MED27: variants seen among roughly 807,000 people sequenced by gnomAD.
MED27 encodes the protein mediator complex subunit 27.
Under a neutral mutation model 38.2 loss-of-function variants are expected in MED27, and 30 were observed. The ratio of observed to expected loss-of-function variants is 0.79; its 90% CI spans 0.59 to 1.07. MED27 has a LOEUF of 1.07. Among genes scored for constraint, MED27 ranks in the 50% least tolerant of loss-of-function variants. The pLI is 0.00. For synonymous variants in MED27, 122 were observed against 153.5 expected, an observed-to-expected ratio of 0.79 and a Z score of 1.52; for missense variants, 289 against 397.5, an observed-to-expected ratio of 0.73 and a Z score of 2.32.
intron 3 of MED27, among the ~76,000 whole-genome samples, chr9:131,973,911 T>C (rs1376689237): frequency 2.0e-5 from 3 of 151,328 alleles, no homozygotes; most frequent in Non-Finnish European, 4.4e-5. Flanking sequence ...TAGAGACGGG[T>C]TTCACCATAG....
intron 3 of MED27, among the ~76,000 whole-genome samples, chr9:132,002,438 A>T (rs1334790884): frequency 6.6e-6 from 1 of 152,172 alleles, no homozygotes; most frequent in Middle Eastern, 3.2e-3. Flanking sequence ...CCCACTTCCC[A>T]TGCATGCCTA....
intron 4 of MED27, among the ~76,000 whole-genome samples, chr9:131,902,043 T>C (rs577723735): frequency 1.1e-4 from 17 of 152,268 alleles, no homozygotes; most frequent in African/African-American, 3.6e-4. Context: ...CCAAAGAGCC[T>C]TGAGTCATGG....
chr9:131,958,035 T>A (rs575792893), intron 3 of MED27, among the ~76,000 whole-genome samples: 111 of 152,238 alleles, frequency 7.3e-4, no homozygotes, highest in African/African-American at 2.6e-3. Context: ...GGGGTGATTA[T>A]CCTATCTTAT....
chr9:132,074,689 C>T (rs763438794), intron 2 of MED27, among the ~76,000 whole-genome samples: 7 of 152,174 alleles, frequency 4.6e-5, no homozygotes, highest in Non-Finnish European at 5.9e-5. Flanking sequence ...TTTCTTGAGG[C>T]TACTTTTTGT....
At chr9:132,029,323 C>G (rs1454334832) in intron 2 of MED27, among the ~76,000 whole-genome samples, 2 of 152,174 alleles carry the variant, frequency 1.3e-5, no homozygotes, top group Non-Finnish European at 2.9e-5. Context: ...AAAGAAAATC[C>G]ATCAGATTTG....
chr9:132,072,781 T>C (rs1357812702), intron 2 of MED27, among the ~76,000 whole-genome samples: 1 of 152,120 alleles, frequency 6.6e-6, no homozygotes, highest in African/African-American at 2.4e-5. Context: ...TTTAAGTGAT[T>C]TTCTCTCCTA....
At chr9:132,035,845 G>T (rs1475473331) in intron 2 of MED27, among the ~76,000 whole-genome samples, 3 of 152,094 alleles carry the variant, frequency 2.0e-5, no homozygotes, top group Non-Finnish European at 4.4e-5. Flanking sequence ...GACACCTTTA[G>T]TCCCAGCTAC....
intron 4 of MED27, among the ~76,000 whole-genome samples, chr9:131,925,276 A>G (rs1462802349): frequency 6.6e-6 from 1 of 152,248 alleles, no homozygotes; most frequent in African/African-American, 2.4e-5. Flanking sequence ...TAAGAGTTGT[A>G]TATATTTATG....
intron 3 of MED27, among the ~76,000 whole-genome samples, chr9:131,968,789 G>A (rs1160251554): frequency 6.6e-6 from 1 of 152,208 alleles, no homozygotes; most frequent in Non-Finnish European, 1.5e-5. Flanking sequence ...ACAGCAGGAG[G>A]TGAGTGGTGG....
intron 4 of MED27, among the ~76,000 whole-genome samples, chr9:131,927,738 G>A (rs1490478840): frequency 6.6e-6 from 1 of 152,214 alleles, no homozygotes; most frequent in Non-Finnish European, 1.5e-5. Flanking sequence ...GATAAGCCAA[G>A]CTGAAATATA....
intron 4 of MED27, among the ~76,000 whole-genome samples, chr9:131,907,266 C>T (rs971886012): frequency 4.6e-5 from 7 of 152,096 alleles, no homozygotes; most frequent in South Asian, 2.1e-4. Context: ...CCTCTGATGC[C>T]GAGCCGAAGC....
intron 3 of MED27, among the ~76,000 whole-genome samples, chr9:131,971,631 G>A (rs1196393786): frequency 6.6e-6 from 1 of 152,170 alleles, no homozygotes; most frequent in Non-Finnish European, 1.5e-5. Context: ...GCCCGGACCT[G>A]GGCCCCGTTA....
At chr9:132,009,124 C>T (rs1278062065) in intron 3 of MED27, among the ~76,000 whole-genome samples, 2 of 152,158 alleles carry the variant, frequency 1.3e-5, no homozygotes, top group East Asian at 1.9e-4. Flanking sequence ...CCTATCTCTA[C>T]TCAGAACTTC....
intron 3 of MED27, among the ~76,000 whole-genome samples, chr9:132,009,327 T>C (rs1410848030): frequency 6.6e-6 from 1 of 152,188 alleles, no homozygotes; most frequent in Non-Finnish European, 1.5e-5. Flanking sequence ...CACGTCTTTC[T>C]TCAAAAGGGA....
chr9:131,910,445 GC>G (rs1247315133), intron 4 of MED27, among the ~76,000 whole-genome samples: 1 of 152,118 alleles, frequency 6.6e-6, no homozygotes, highest in Non-Finnish European at 1.5e-5. Flanking sequence ...AGGAACAGCA[GC>G]AAATTATGTA....
chr9:131,896,638 T>G (rs2131508545), intron 4 of MED27, among the ~76,000 whole-genome samples: 1 of 152,244 alleles, frequency 6.6e-6, no homozygotes, highest in South Asian at 2.1e-4. Flanking sequence ...CCATTAACAT[T>G]TTGGGGTACT....
Position 131,983,156 on chromosome 9 carries a change from A to G in MED27, c.479+31181T>C, listed in dbSNP as rs1024220090. Among the ~76,000 whole-genome samples, 36 of 152,172 alleles carry G rather than the reference A, an allele frequency of 2.4e-4. 1 individual carries two copies. The highest frequency in any genetic ancestry group is 8.2e-4 in the African/African-American group (34 of 41,436). On this transcript the variant is annotated intron_variant, in intron 3 of 7. Coordinates refer to ENST00000292035, the MANE Select transcript of MED27 (RefSeq NM_004269.4). ...CTTTCTATGCTTCCTCTCTCTTTAC[A>G]ATCATGTAAGTTTTATTTTTATCCC...
At chr9:131,992,544 C>T (rs1477715198) in intron 3 of MED27, among the ~76,000 whole-genome samples, 4 of 152,056 alleles carry the variant, frequency 2.6e-5, no homozygotes, top group South Asian at 2.1e-4. Flanking sequence ...ACTATAGGCA[C>T]GTGCCACCAC....
At chr9:132,045,072 GTA>G (rs898507974) in intron 2 of MED27, among the ~76,000 whole-genome samples, 1 of 151,958 alleles carries the variant, frequency 6.6e-6, no homozygotes, top group African/African-American at 2.4e-5. Context: ...TTTAAAATTT[GTA>G]TATGTTTTTA....
Sources: allele counts gnomAD v4.1 joint callset (sites outside exome capture counted in the v4.1 genomes callset), GRCh38; gene constraint gnomAD v4.1.1; transcripts MANE v1.5; gene names NCBI Gene and HGNC (gene_info 2026-07-23, HGNC 2026-07-21).